Variants in SLCO5A1 observed in about 807,000 individuals in gnomAD.
SLCO5A1 encodes the protein solute carrier organic anion transporter family member 5A1.
Under a neutral mutation model 65.1 loss-of-function variants are expected in SLCO5A1, and 39 were observed. The ratio of observed to expected loss-of-function variants is 0.60; its 90% CI spans 0.46 to 0.78. The LOEUF is 0.78. SLCO5A1 is among the 30% of genes least tolerant of loss of function. SLCO5A1 has a pLI of 0.00. For synonymous variants in SLCO5A1, 438 were observed against 415.7 expected, an observed-to-expected ratio of 1.05 and a Z score of -0.65; for missense variants, 1,029 against 1,069.4, an observed-to-expected ratio of 0.96 and a Z score of 0.53.
At chr8:69,777,820 G>A (rs1293405454) in intron 2 of SLCO5A1, among the ~76,000 whole-genome samples, 1 of 152,176 alleles carries the variant, frequency 6.6e-6, no homozygotes, top group African/African-American at 2.4e-5. Flanking sequence ...GTGACTGGAT[G>A]CCAGAAGCAG....
intron 5 of SLCO5A1, among the ~76,000 whole-genome samples, chr8:69,708,758 G>GT (rs1262763325): frequency 2.6e-5 from 4 of 152,060 alleles, no homozygotes; most frequent in Non-Finnish European, 5.9e-5. Flanking sequence ...ACAAAAATCA[G>GT]TAGGGCTTGG....
intron 5 of SLCO5A1, among the ~76,000 whole-genome samples, chr8:69,710,488 A>G (rs1220323163): frequency 2.0e-5 from 3 of 152,166 alleles, no homozygotes; most frequent in Non-Finnish European, 4.4e-5. Flanking sequence ...GGTCCCTGGA[A>G]TCTCACCCAG....
intron 2 of SLCO5A1, among the ~76,000 whole-genome samples, chr8:69,816,119 A>G (rs1282404963): frequency 2.6e-5 from 4 of 152,190 alleles, no homozygotes; most frequent in African/African-American, 9.7e-5. Flanking sequence ...GAGTAACTTG[A>G]AAGTTTAAGA....
chr8:69,728,143 G>T lies in SLCO5A1; in HGVS notation c.1423+9897C>A, dbSNP rs567088106. 2.6e-5 allele frequency among the ~76,000 whole-genome samples: 4 copies of T among 152,222 alleles called. No individual in the cohort carries two copies. In the South Asian group the frequency reaches 8.3e-4, roughly 32 times the overall value. ...TCTAGACTGTATGGTACAGAACAGGGCATATAGCATGCCAACCTTTGGAAA... is the reference window on the plus strand; with the variant it reads ...TCTAGACTGTATGGTACAGAACAGGTCATATAGCATGCCAACCTTTGGAAA... On this transcript the variant is annotated intron_variant, in intron 5 of 9. Coordinates refer to ENST00000260126, the MANE Select transcript of SLCO5A1 (RefSeq NM_030958.3).
chr8:69,821,952 C>T (rs988739975), intron 2 of SLCO5A1, among the ~76,000 whole-genome samples: 2 of 151,952 alleles, frequency 1.3e-5, no homozygotes, highest in African/African-American at 2.4e-5. Flanking sequence ...CATGGCAAAC[C>T]CCATCTCTAC....
intron 2 of SLCO5A1, among the ~76,000 whole-genome samples, chr8:69,784,814 AG>A (rs1818945360): frequency 1.3e-5 from 1 of 75,492 alleles, no homozygotes; most frequent in African/African-American, 3.8e-5. Context: ...AGAAAGAAAA[AG>A]AAAGAAAGAA....
chr8:69,687,372 C>A (rs1398306404), intron 6 of SLCO5A1, among the ~76,000 whole-genome samples: 1 of 152,126 alleles, frequency 6.6e-6, no homozygotes, highest in Non-Finnish European at 1.5e-5. Context: ...GGACTATATT[C>A]AAGGAAATTG....
At chr8:69,736,508 T>C (rs1816565610) in intron 5 of SLCO5A1, among the ~76,000 whole-genome samples, 1 of 152,214 alleles carries the variant, frequency 6.6e-6, no homozygotes, top group Non-Finnish European at 1.5e-5. Flanking sequence ...CTCCCTAGTC[T>C]GGCTGGAACT....
At chr8:69,767,096 G>T (rs764732842) in intron 2 of SLCO5A1, among the ~76,000 whole-genome samples, 1 of 152,144 alleles carries the variant, frequency 6.6e-6, no homozygotes, top group Admixed American at 6.5e-5. Context: ...ACCTTCATTG[G>T]TTTTCTCTCT....
chr8:69,788,822 T>G (rs978145375), intron 2 of SLCO5A1, among the ~76,000 whole-genome samples: 1 of 152,208 alleles, frequency 6.6e-6, no homozygotes, highest in Non-Finnish European at 1.5e-5. Context: ...CAACTAAATT[T>G]ATAGTCTTAG....
Position 69,730,738 on chromosome 8 carries a change from C to T in SLCO5A1, c.1423+7302G>A, listed in dbSNP as rs891187254. 2.0e-5 allele frequency among the ~76,000 whole-genome samples: 3 copies of T among 152,158 alleles called. 1 individual carries two copies. The South Asian group carries it at 6.2e-4, about 31-fold the overall frequency. On this transcript the variant is annotated intron_variant, in intron 5 of 9. Transcript: ENST00000260126. Reference sequence around the variant, plus strand: ...AGCATTGTTTATTGACAAAAATGAGCATGAACTCTGTAATTTCTTCCTTCT... The same window carrying T: ...AGCATTGTTTATTGACAAAAATGAGTATGAACTCTGTAATTTCTTCCTTCT...
intron 2 of SLCO5A1, among the ~76,000 whole-genome samples, chr8:69,809,908 T>C (rs1820148928): frequency 6.6e-6 from 1 of 152,128 alleles, no homozygotes; most frequent in African/African-American, 2.4e-5. Context: ...CAGGGGAATA[T>C]GGAGCACAAC....
Position 69,832,643 on chromosome 8 carries a change from C to T in SLCO5A1, c.31G>A (p.Ala11Thr), listed in dbSNP as rs746647608. Residue 11 changes from alanine (A) to threonine (T), a missense_variant, in exon 2 of 10, where the codon GCG (alanine) becomes ACG (threonine). Coordinates refer to ENST00000260126, the MANE Select transcript of SLCO5A1 (RefSeq NM_030958.3). The surrounding 1 kb of genome is among the most constrained non-coding windows in gnomAD (Gnocchi z 4.5). ...GCCGGCGCCTCCAGCTGCTCTCCCG[C>T]CCCGGGCTGCAGTCCAGTGCCTTCG... is the stretch of plus-strand genomic sequence containing the variant. Reference protein sequence around the residue: MDEGTGLQPGAGEQLEAPATA... With the variant: MDEGTGLQPGTGEQLEAPATA... 3.7e-6 allele frequency: 6 copies of T among 1,606,558 alleles called. No homozygotes were observed. In the South Asian group the frequency reaches 5.5e-5, roughly 15 times the overall value.
At chr8:69,812,401 A>G (rs1820242409) in intron 2 of SLCO5A1, among the ~76,000 whole-genome samples, 1 of 152,234 alleles carries the variant, frequency 6.6e-6, no homozygotes, top group Non-Finnish European at 1.5e-5. Flanking sequence ...CATGTCAGTA[A>G]TTGTGGACTA....
chr8:69,722,929 T>C (rs1015116286), intron 5 of SLCO5A1, among the ~76,000 whole-genome samples: 1 of 152,190 alleles, frequency 6.6e-6, no homozygotes, highest in Non-Finnish European at 1.5e-5. Context: ...CTATTCTTGA[T>C]GCATAATTTA....
rs561723521 is a variant in SLCO5A1 at position 69,726,512 on chromosome 8, T to G, written c.1423+11528A>C. ...TCCTACCTCCTTTTTTTTTTTTTTT[T>G]TTGGGGGGACAGAGTCTCACTCTGT... On this transcript the variant is annotated intron_variant, in intron 5 of 9. Transcript: ENST00000260126. Among the ~76,000 whole-genome samples the G allele has an allele frequency of 3.7e-3, 549 of 148,526 alleles. 8 individuals are homozygous for G. The highest frequency in any genetic ancestry group is 3.9e-3 in the Non-Finnish European group (261 of 67,580).
chr8:69,692,865 T>C (rs936357446), intron 6 of SLCO5A1, among the ~76,000 whole-genome samples: 1 of 152,220 alleles, frequency 6.6e-6, no homozygotes, highest in Admixed American at 6.5e-5. Flanking sequence ...GTTGACTTTT[T>C]TAATACGTAG....
intron 2 of SLCO5A1, among the ~76,000 whole-genome samples, chr8:69,780,437 T>C (rs890074086): frequency 9.2e-5 from 14 of 152,046 alleles, no homozygotes; most frequent in Non-Finnish European, 8.8e-5. Context: ...ATAAAGAAAA[T>C]GTGGTACATA....
intron 4 of SLCO5A1, among the ~76,000 whole-genome samples, 182 bp from the exon 5 acceptor site, chr8:69,738,386 T>G (rs901389570): frequency 6.9e-6 from 1 of 144,512 alleles, no homozygotes; most frequent in Non-Finnish European, 1.5e-5. Flanking sequence ...TTTCTTTTGT[T>G]TTTTTTTTTT....
Sources: gnomAD v4.1 joint callset for allele counts (sites outside exome capture counted in the v4.1 genomes callset) on GRCh38, gnomAD v4.1.1 for gene constraint, Gnocchi (gnomAD v3.1) non-coding constraint, MANE v1.5 for transcripts, NCBI Gene and HGNC (gene_info 2026-07-23, HGNC 2026-07-21) for gene names.